The following FAT3 variants were observed in gnomAD, a reference collection of about 807,000 sequenced individuals.
The protein encoded by FAT3 is FAT atypical cadherin 3.
A neutral mutation model predicts 310.2 loss-of-function variants in FAT3; 95 were observed. The observed-to-expected ratio is 0.31, with a 90% CI of 0.26 to 0.36. The LOEUF (loss-of-function observed/expected upper bound fraction) is 0.36. Among genes scored for constraint, FAT3 ranks in the 10% least tolerant of loss-of-function variants. The pLI is 1.00. For synonymous variants in FAT3, 2,314 were observed against 2,192.9 expected, an observed-to-expected ratio of 1.06 and a Z score of -1.54; for missense variants, 5,408 against 5,715.6, an observed-to-expected ratio of 0.95 and a Z score of 1.74.
chr11:92,571,991 C>T (rs975608899), intron 3 of FAT3, among the ~76,000 whole-genome samples: 1 of 152,202 alleles, frequency 6.6e-6, no homozygotes, highest in African/African-American at 2.4e-5. Flanking sequence ...AAGCCTCACC[C>T]TTAAATTGAG....
intron 3 of FAT3, among the ~76,000 whole-genome samples, chr11:92,642,196 A>T (rs1440842910): frequency 6.6e-6 from 1 of 152,232 alleles, no homozygotes; most frequent in Non-Finnish European, 1.5e-5. Context: ...AGTTTCTGCC[A>T]GATCTGCCTG....
rs1379297251 is a variant in FAT3 at position 92,387,219 on chromosome 11, A to G, written c.3292+31815A>G. On this transcript the variant is annotated intron_variant, in intron 2 of 27. Transcript: ENST00000525166. ...TCTAAACCAGGAACACAAGAGTAGC[A>G]TTTGCAAAGATTAGGCAGAGTGAGA... 2.0e-5 allele frequency among the ~76,000 whole-genome samples: 3 copies of G among 152,112 alleles called. No homozygotes were observed. In the East Asian group the frequency reaches 5.8e-4, roughly 29 times the overall value.
chr11:92,494,413 A>G (rs1454795768), intron 2 of FAT3, among the ~76,000 whole-genome samples: 2 of 152,036 alleles, frequency 1.3e-5, no homozygotes, highest in African/African-American at 4.8e-5. Context: ...TACATACCCA[A>G]ATATATGAGT....
chr11:92,501,618 G>A (rs546698489), intron 2 of FAT3, among the ~76,000 whole-genome samples: 3 of 151,836 alleles, frequency 2.0e-5, no homozygotes, highest in South Asian at 2.1e-4. Flanking sequence ...ATGCATGTGC[G>A]CATGCCTGTT....
chr11:92,226,186 T>C (rs1374467849), intron 1 of FAT3, among the ~76,000 whole-genome samples: 1 of 152,006 alleles, frequency 6.6e-6, no homozygotes, highest in Non-Finnish European at 1.5e-5. Context: ...AGCGCGAGGA[T>C]TCCGCCAGTG....
chr11:92,858,198 C>A (rs975240736), intron 20 of FAT3, among the ~76,000 whole-genome samples: 3 of 152,168 alleles, frequency 2.0e-5, no homozygotes, highest in African/African-American at 7.2e-5. Context: ...AAGTAGAAAC[C>A]AAAGCTCCTT....
Position 92,893,774 on chromosome 11 carries a change from C to T in FAT3, c.*2661C>T, listed in dbSNP as rs1459642978. On this transcript the variant is annotated 3_prime_UTR_variant, in exon 28 of 28. Transcript: ENST00000525166. ...TATTATCTTTAAACACATGATATCT[C>T]TTCACTTTTTGGAAAGTTAGATTTC... 1 of 152,196 alleles carries T rather than the reference C, an allele frequency of 6.6e-6. No homozygotes were observed. The highest frequency in any genetic ancestry group is 1.5e-5 in the Non-Finnish European group (1 of 68,036). The allele number at this position is 152,196 out of a possible 1,614,324, so 9.4% of individuals were successfully genotyped here.
intron 1 of FAT3, among the ~76,000 whole-genome samples, chr11:92,278,934 G>A (rs1031828812): frequency 7.9e-5 from 12 of 152,118 alleles, no homozygotes; most frequent in Non-Finnish European, 1.5e-4. Context: ...TACAGCATGA[G>A]TGGCTTCTCC....
intron 22 of FAT3, among the ~76,000 whole-genome samples, chr11:92,878,663 AAAAAG>A (rs1459224274): frequency 0.011 from 825 of 73,218 alleles, 94 homozygotes; most frequent in African/African-American, 0.04. Flanking sequence ...AAAAAAAAAA[AAAAAG>A]CTCCGCACAA....
At position 92,893,186 on chromosome 11, in the gene FAT3, A is replaced by G. The variant is rs1407781562; in HGVS notation, c.*2073A>G. On this transcript the variant is annotated 3_prime_UTR_variant, in exon 28 of 28. Coordinates refer to ENST00000525166, the MANE Select transcript of FAT3 (RefSeq NM_001367949.2). ...AAAAAAAAATCCTTTTTCATTCCCAAACTTTCTAAGTAAGTGGATACACTA... is the reference window on the plus strand; with the variant it reads ...AAAAAAAAATCCTTTTTCATTCCCAGACTTTCTAAGTAAGTGGATACACTA... 6.6e-6 allele frequency: 1 copy of G among 151,050 alleles called. No individual in the cohort carries two copies. The highest frequency in any genetic ancestry group is 2.0e-4 in the East Asian group (1 of 4,910). The allele number at this position is 151,050 out of a possible 1,614,324, so 9.4% of individuals were successfully genotyped here.
At chr11:92,248,064 A>G (rs996286680) in intron 1 of FAT3, among the ~76,000 whole-genome samples, 1 of 152,168 alleles carries the variant, frequency 6.6e-6, no homozygotes, top group Non-Finnish European at 1.5e-5. Context: ...ATTTAAAAGA[A>G]ATGATTAAAA....
chr11:92,624,169 A>G (rs1441277751), intron 3 of FAT3, among the ~76,000 whole-genome samples: 2 of 152,150 alleles, frequency 1.3e-5, no homozygotes, highest in African/African-American at 2.4e-5. Context: ...ACTAAGCCCT[A>G]CTGGAGTCAG....
chr11:92,582,566 T>C (rs868830549), intron 3 of FAT3, among the ~76,000 whole-genome samples: 8 of 152,216 alleles, frequency 5.3e-5, no homozygotes, highest in Middle Eastern at 3.4e-3. Context: ...CAGAGTTTTA[T>C]AGATAAGGAA....
At chr11:92,507,637 A>G (rs1319187217) in intron 2 of FAT3, among the ~76,000 whole-genome samples, 1 of 151,464 alleles carries the variant, frequency 6.6e-6, no homozygotes, top group East Asian at 1.9e-4. Flanking sequence ...ATTGGAGGAG[A>G]TGTGGAATAT....
At chr11:92,237,228 A>G (rs1259801713) in intron 1 of FAT3, among the ~76,000 whole-genome samples, 2 of 152,188 alleles carry the variant, frequency 1.3e-5, no homozygotes, top group East Asian at 3.9e-4. Flanking sequence ...GTTAATTCAC[A>G]GTTCTTTAGA....
intron 3 of FAT3, among the ~76,000 whole-genome samples, chr11:92,555,270 C>T (rs1954979094): frequency 6.6e-6 from 1 of 152,168 alleles, no homozygotes; most frequent in African/African-American, 2.4e-5. Flanking sequence ...TGTATTGCAG[C>T]ATTAACGATT....
chr11:92,787,490 T>G (rs1373261195), intron 7 of FAT3, among the ~76,000 whole-genome samples: 1 of 151,958 alleles, frequency 6.6e-6, no homozygotes, highest in Non-Finnish European at 1.5e-5. Flanking sequence ...AGAAGAACTA[T>G]TCTAAGTGAC....
intron 1 of FAT3, among the ~76,000 whole-genome samples, chr11:92,314,942 G>T (rs1421983660): frequency 6.6e-6 from 1 of 152,094 alleles, no homozygotes; most frequent in Non-Finnish European, 1.5e-5. Context: ...GCTTGGGTGT[G>T]TAGCATGGTG....
intron 1 of FAT3, among the ~76,000 whole-genome samples, chr11:92,264,447 G>C (rs1945877009): frequency 1.3e-5 from 2 of 152,124 alleles, no homozygotes; most frequent in South Asian, 4.1e-4. Context: ...TCTTGGGTTG[G>C]TTTAAGGACA....
Sources: allele counts gnomAD v4.1 joint callset (sites outside exome capture counted in the v4.1 genomes callset), GRCh38; gene constraint gnomAD v4.1.1; transcripts MANE v1.5; gene names NCBI Gene and HGNC (gene_info 2026-07-23, HGNC 2026-07-21).